The following PLEKHH2 variants were observed in gnomAD, a reference collection of about 807,000 sequenced individuals.
The protein encoded by PLEKHH2 is pleckstrin homology, MyTH4 and FERM domain containing H2.
PLEKHH2 carries 129 observed loss-of-function variants against 187.9 expected under a neutral mutation model. The ratio of observed to expected loss-of-function variants is 0.69; its 90% CI spans 0.59 to 0.79. The LOEUF (loss-of-function observed/expected upper bound fraction) is 0.79. PLEKHH2 is among the 30% of genes least tolerant of loss of function. The pLI, the probability that PLEKHH2 is intolerant of heterozygous loss-of-function variation, is 0.00. For missense variants in PLEKHH2, 2,076 were observed against 1,751.2 expected (o/e 1.19, Z -3.31); for synonymous variants, 686 against 605.6 (o/e 1.13, Z -1.95).
intron 20 of PLEKHH2, among the ~76,000 whole-genome samples, chr2:43,740,101 A>G (rs1671491132): frequency 6.6e-6 from 1 of 152,210 alleles, no homozygotes; most frequent in Non-Finnish European, 1.5e-5. Flanking sequence ...TATACATAGG[A>G]AACAAGGGCA....
chr2:43,675,773 C>G (rs1667726113), intron 2 of PLEKHH2: 2 of 1,613,684 alleles, frequency 1.2e-6, no homozygotes, highest in East Asian at 2.2e-5. Context: ...AAGACAATCC[C>G]TCCTTCCACA....
At chr2:43,746,533 TACACAC>T (rs10535859) in intron 24 of PLEKHH2, among the ~76,000 whole-genome samples, 1 of 150,274 alleles carries the variant, frequency 6.7e-6, no homozygotes, top group Admixed American at 6.6e-5. Context: ...AAACAAAAAA[TACACAC>T]ACACACACAC....
intron 13 of PLEKHH2, 56 bp from the exon 14 acceptor site, chr2:43,710,433 C>T: frequency 6.3e-6 from 10 of 1,580,678 alleles, no homozygotes; most frequent in African/African-American, 1.4e-5. Flanking sequence ...ACAAAGCATT[C>T]CTTATTATTA....
At chr2:43,715,011 C>T (rs1242120575) in intron 15 of PLEKHH2, among the ~76,000 whole-genome samples, 2 of 152,132 alleles carry the variant, frequency 1.3e-5, no homozygotes, top group African/African-American at 2.4e-5. Context: ...GAAGCAGTGG[C>T]TTATGCCTGT....
intron 8 of PLEKHH2, 48 bp downstream of exon 8, chr2:43,700,656 A>T: frequency 6.5e-7 from 1 of 1,539,810 alleles, no homozygotes; most frequent in Non-Finnish European, 8.7e-7. Flanking sequence ...TTTTTTCTCA[A>T]CACTTTTTTT....
intron 20 of PLEKHH2, 75 bp downstream of exon 20, chr2:43,738,595 C>A: frequency 1.5e-6 from 2 of 1,343,450 alleles, no homozygotes; most frequent in Non-Finnish European, 1.0e-6. Flanking sequence ...GATACACATT[C>A]AGCATAGACA....
At chr2:43,646,640 A>G (rs1290403681) in intron 2 of PLEKHH2, among the ~76,000 whole-genome samples, 2 of 152,174 alleles carry the variant, frequency 1.3e-5, no homozygotes, top group African/African-American at 2.4e-5. Flanking sequence ...TGCCCATTTT[A>G]AAAATAATAA....
intron 17 of PLEKHH2, among the ~76,000 whole-genome samples, 195 bp downstream of exon 17, chr2:43,726,646 A>G (rs1670764314): frequency 6.6e-6 from 1 of 152,184 alleles, no homozygotes; most frequent in African/African-American, 2.4e-5. Context: ...TCCTGTTGGT[A>G]AGAGTGGTAT....
At chr2:43,657,498 GC>G (rs1362954346) in intron 2 of PLEKHH2, among the ~76,000 whole-genome samples, 1 of 152,114 alleles carries the variant, frequency 6.6e-6, no homozygotes, top group African/African-American at 2.4e-5. Context: ...ATCTCTTCAG[GC>G]CCAGTCTCAA....
intron 2 of PLEKHH2, among the ~76,000 whole-genome samples, chr2:43,657,758 G>A (rs80189045): frequency 0.025 from 3,849 of 152,308 alleles, 51 homozygotes; most frequent in South Asian, 0.061. Context: ...TCAAGAAGGT[G>A]GACCTACCTC....
At chr2:43,643,349 G>C (rs1316805029) in intron 1 of PLEKHH2, among the ~76,000 whole-genome samples, 3 of 152,096 alleles carry the variant, frequency 2.0e-5, no homozygotes, top group Admixed American at 6.5e-5. Flanking sequence ...AAGGCTTTAA[G>C]AAGCTGGGGT....
chr2:43,697,776 A>G (rs974559511), intron 7 of PLEKHH2, among the ~76,000 whole-genome samples: 8 of 152,178 alleles, frequency 5.3e-5, no homozygotes, highest in African/African-American at 1.9e-4. Flanking sequence ...ATTACTTAAT[A>G]TTACACATGA....
At chr2:43,738,967 C>T (rs1199689747) in intron 20 of PLEKHH2, among the ~76,000 whole-genome samples, 2 of 152,222 alleles carry the variant, frequency 1.3e-5, no homozygotes, top group Non-Finnish European at 2.9e-5. Context: ...TGTCGGCTCA[C>T]TGGAACCTCC....
intron 9 of PLEKHH2, among the ~76,000 whole-genome samples, chr2:43,705,095 A>G (rs557926313): frequency 6.6e-6 from 1 of 152,238 alleles, no homozygotes; most frequent in Non-Finnish European, 1.5e-5. Flanking sequence ...AAATAAAACC[A>G]AACAACAAGA....
chr2:43,689,154 A>G (rs1668674140), intron 3 of PLEKHH2, among the ~76,000 whole-genome samples: 1 of 152,238 alleles, frequency 6.6e-6, no homozygotes, highest in Non-Finnish European at 1.5e-5. Flanking sequence ...CCAGTGAAGG[A>G]CCAGTCCTTT....
At chr2:43,716,405 G>A (rs1165286177) in intron 15 of PLEKHH2, among the ~76,000 whole-genome samples, 1 of 152,132 alleles carries the variant, frequency 6.6e-6, no homozygotes, top group African/African-American at 2.4e-5. Flanking sequence ...TATTCCGTAC[G>A]ACAATGTTAT....
chr2:43,685,724 G>A lies in PLEKHH2; in HGVS notation c.187-6790G>A, dbSNP rs139474058. ...TCCAAAGTGCTGGGATTACCGGCAT[G>A]AGCCACCACCCACGCCTGGCCCTAG... is the stretch of plus-strand genomic sequence containing the variant. On this transcript the variant is annotated intron_variant, in intron 3 of 29. Transcript: ENST00000282406. 7.5e-4 allele frequency among the ~76,000 whole-genome samples: 113 copies of A among 151,396 alleles called. 1 individual carries two copies. The highest frequency in any genetic ancestry group is 2.6e-3 in the African/African-American group (108 of 41,224).
intron 2 of PLEKHH2, among the ~76,000 whole-genome samples, chr2:43,656,471 T>G (rs1240527872): frequency 6.6e-6 from 1 of 151,796 alleles, no homozygotes; most frequent in Admixed American, 6.6e-5. Context: ...AAGATATTCC[T>G]AGAAGCTGCA....
intron 19 of PLEKHH2, among the ~76,000 whole-genome samples, chr2:43,732,863 G>A (rs1271895278): frequency 1.3e-5 from 2 of 152,134 alleles, no homozygotes; most frequent in African/African-American, 4.8e-5. Context: ...AACCAGATGT[G>A]CAATGCTGCA....
Sources: gnomAD v4.1 joint callset for allele counts (sites outside exome capture counted in the v4.1 genomes callset) on GRCh38, gnomAD v4.1.1 for gene constraint, MANE v1.5 for transcripts, NCBI Gene and HGNC (gene_info 2026-07-23, HGNC 2026-07-21) for gene names.